PKHD1: variants seen among roughly 807,000 people sequenced by gnomAD.
PKHD1 encodes the protein fibrocystin.
PKHD1 carries 291 observed loss-of-function variants against 412.0 expected under a neutral mutation model. The observed-to-expected ratio is 0.71, with a 90% CI of 0.64 to 0.78. The LOEUF (loss-of-function observed/expected upper bound fraction) is 0.78. PKHD1 is among the 30% of genes least tolerant of loss of function. The pLI, the probability that PKHD1 is intolerant of heterozygous loss-of-function variation, is 0.00. For synonymous variants in PKHD1, 1,777 were observed against 1,821.5 expected, an observed-to-expected ratio of 0.98 and a Z score of 0.62; for missense variants, 4,825 against 4,950.7, an observed-to-expected ratio of 0.97 and a Z score of 0.76.
At position 51,659,383 on chromosome 6, in the gene PKHD1, G is replaced by A. The variant is rs770308751; in HGVS notation, c.10743C>T (p.Leu3581=). 39 of 1,613,530 alleles carry A rather than the reference G, an allele frequency of 2.4e-5. No individual in the cohort carries two copies. The highest frequency in any genetic ancestry group is 2.9e-5 in the Non-Finnish European group (34 of 1,179,830). Residue 3581 remains leucine (L), a synonymous_variant, in exon 61 of 67, where the codon CTC becomes CTT. Transcript: ENST00000371117. ...VLEKGWEIVI[L]ERLTNFLQIG... The stretch of plus-strand genomic sequence containing the variant: ...TCTGTAAGAAGTTAGTTAGTCTTTC[G>A]AGTATTACTATTTCCCAGCCTTTTT...
At chr6:51,795,432 A>G (rs6458781) in intron 52 of PKHD1, among the ~76,000 whole-genome samples, 89,848 of 152,020 alleles carry the variant, frequency 0.59, 27,216 homozygotes, top group East Asian at 0.83. Flanking sequence ...TTTGGGCTGA[A>G]ACAATAGGGT....
chr6:51,850,320 G>C (rs1048154925), intron 49 of PKHD1, among the ~76,000 whole-genome samples: 15 of 152,204 alleles, frequency 9.9e-5, no homozygotes, highest in Non-Finnish European at 2.1e-4. Flanking sequence ...TTTGAAGTCA[G>C]GTAGTGTGAT....
At chr6:51,964,450 T>C (rs1002047951) in intron 35 of PKHD1, among the ~76,000 whole-genome samples, 11 of 152,098 alleles carry the variant, frequency 7.2e-5, no homozygotes, top group Admixed American at 5.9e-4. Context: ...GTAACCATTT[T>C]CTCCACTCCG....
intron 55 of PKHD1, among the ~76,000 whole-genome samples, chr6:51,759,840 G>C (rs1179599389): frequency 2.6e-5 from 4 of 152,070 alleles, no homozygotes; most frequent in Non-Finnish European, 4.4e-5. Context: ...TTTACTCAGA[G>C]TTACACCTTT....
chr6:51,989,931 GGAAAGAAGGAAGGAAGAAA>G (rs1796757581), intron 35 of PKHD1, among the ~76,000 whole-genome samples: 1 of 102,794 alleles, frequency 9.7e-6, no homozygotes, highest in East Asian at 3.2e-4. Flanking sequence ...AAGGAAGGAA[GGAAAGAAGGAAGGAAGAAA>G]GGAAGGAAAG....
At chr6:51,680,678 C>G (rs943442385) in intron 60 of PKHD1, among the ~76,000 whole-genome samples, 38 of 152,102 alleles carry the variant, frequency 2.5e-4, no homozygotes, top group African/African-American at 8.9e-4. Flanking sequence ...CTATTACAGA[C>G]AGCCTGCTAC....
chr6:51,689,936 T>G (rs1156749350), intron 60 of PKHD1, among the ~76,000 whole-genome samples: 1 of 152,172 alleles, frequency 6.6e-6, no homozygotes, highest in Non-Finnish European at 1.5e-5. Context: ...ATTTATAGAT[T>G]CAATGCTATT....
intron 36 of PKHD1, among the ~76,000 whole-genome samples, chr6:51,939,271 G>T (rs1788078800): frequency 6.6e-6 from 1 of 150,954 alleles, no homozygotes; most frequent in South Asian, 2.1e-4. Context: ...GCTTTTCTGG[G>T]GGGCAAGAAC....
intron 4 of PKHD1, among the ~76,000 whole-genome samples, chr6:52,081,804 G>GT (rs534094802): frequency 2.0e-5 from 3 of 151,710 alleles, no homozygotes; most frequent in African/African-American, 4.8e-5. Flanking sequence ...AAATAACAGT[G>GT]TTTTTTTTCT....
chr6:51,989,630 G>A (rs1417307813), intron 35 of PKHD1, among the ~76,000 whole-genome samples: 3 of 151,844 alleles, frequency 2.0e-5, no homozygotes, highest in African/African-American at 4.8e-5. Context: ...GCCTGTTTTT[G>A]TTATTATTTT....
rs2150981439 is a variant in PKHD1 at position 51,747,884 on chromosome 6, C to T, written c.9732G>A (p.Leu3244=). 1.2e-6 allele frequency: 2 copies of T among 1,613,952 alleles called. No individual in the cohort carries two copies. Among genetic ancestry groups the T allele is most frequent in the East Asian group, 4.5e-5 (2 of 44,866 alleles). ...SNPRGGRIGI[L]WPVFTSEPNQ... is the part of the protein sequence containing the mutation. ...TTGGTTCTGAGGTGAATACAGGCCA[C>T]AGAATACCAATTCGACCTCCTCTTG... The change falls in exon 58 of 67, where the codon CTG becomes CTA. Residue 3244 remains leucine, a synonymous_variant. Coordinates refer to ENST00000371117, the MANE Select transcript of PKHD1 (RefSeq NM_138694.4).
At chr6:51,939,043 A>G (rs1032409627) in intron 36 of PKHD1, among the ~76,000 whole-genome samples, 4 of 151,524 alleles carry the variant, frequency 2.6e-5, no homozygotes, top group Non-Finnish European at 4.4e-5. Flanking sequence ...GTGTTTAATC[A>G]TGCGGGGATG....
At chr6:51,906,130 G>A in intron 41 of PKHD1, 85 bp downstream of exon 41, 1 of 1,116,010 alleles carries the variant, frequency 9.0e-7, no homozygotes, top group Non-Finnish European at 1.4e-6. Flanking sequence ...TTATAAATTA[G>A]GAATTAGAAA....
At chr6:51,896,461 T>C (rs2127590418) in intron 43 of PKHD1, among the ~76,000 whole-genome samples, 1 of 152,082 alleles carries the variant, frequency 6.6e-6, no homozygotes, top group Non-Finnish European at 1.5e-5. Context: ...GTCCTGTCTG[T>C]TAAAAGGAAA....
intron 35 of PKHD1, among the ~76,000 whole-genome samples, chr6:51,982,116 T>A (rs1306777768): frequency 2.1e-5 from 1 of 48,562 alleles, no homozygotes; most frequent in Non-Finnish European, 4.9e-5. Flanking sequence ...AGCCCCTCCG[T>A]CCGGCAGCCA....
chr6:52,050,043 A>G, intron 22 of PKHD1, 114 bp downstream of exon 22: 1 of 971,250 alleles, frequency 1.0e-6, no homozygotes, highest in Non-Finnish European at 1.6e-6. Flanking sequence ...GATTGAGAAC[A>G]TTGCTTTAAG....
intron 60 of PKHD1, among the ~76,000 whole-genome samples, chr6:51,697,588 C>T (rs1275373277): frequency 6.6e-6 from 1 of 152,180 alleles, no homozygotes; most frequent in Non-Finnish European, 1.5e-5. Context: ...CATAAGTACA[C>T]CCCCGTGTCC....
In PKHD1 at chr6:52,072,292, C is replaced by A. The variant is rs1469108215; in HGVS notation, c.528-103G>T. ...CAGAGGAAACATGGCTATGAACACTCTCCTCTGGATTTTTCTGCACTATTG... is the reference window on the plus strand; with the variant it reads ...CAGAGGAAACATGGCTATGAACACTATCCTCTGGATTTTTCTGCACTATTG... On this transcript the variant is annotated intron_variant, in intron 7 of 66. Coordinates refer to ENST00000371117, the MANE Select transcript of PKHD1 (RefSeq NM_138694.4). 8 of 782,052 alleles carry A rather than the reference C, an allele frequency of 1.0e-5. No individual in the cohort carries two copies. In the African/African-American group the frequency reaches 1.0e-4, roughly 10 times the overall value. The allele number at this position is 782,052 out of a possible 1,614,324, so 48.4% of individuals were successfully genotyped here.
rs369474364 is a variant in PKHD1 at position 51,772,173 on chromosome 6, A to T, written c.8642+529T>A. Among the ~76,000 whole-genome samples, 21 of 151,938 alleles carry T rather than the reference A, an allele frequency of 1.4e-4. No homozygotes were observed. In the East Asian group the frequency reaches 2.9e-3, roughly 21 times the overall value. ...TATTTCTAGTACTTTATCTTTTGTT[A>T]TTTTTATTTCCTAGTCTTATCCTCT... On this transcript the variant is annotated intron_variant, in intron 55 of 66. Coordinates refer to ENST00000371117, the MANE Select transcript of PKHD1 (RefSeq NM_138694.4).
Sources: allele counts gnomAD v4.1 joint callset (sites outside exome capture counted in the v4.1 genomes callset), GRCh38; gene constraint gnomAD v4.1.1; transcripts MANE v1.5; gene names NCBI Gene and HGNC (gene_info 2026-07-23, HGNC 2026-07-21).